The following COL19A1 variants were observed in gnomAD, a reference collection of about 807,000 sequenced individuals.
COL19A1 encodes collagen type XIX alpha 1 chain.
COL19A1 carries 159 observed loss-of-function variants against 190.2 expected under a neutral mutation model. The observed-to-expected ratio is 0.84, with a 90% CI of 0.73 to 0.95. COL19A1 has a LOEUF of 0.95. Among genes scored for constraint, COL19A1 ranks in the 40% least tolerant of loss-of-function variants. The probability of loss-of-function intolerance (pLI) is 0.00; values close to 1 mark genes in which losing one functional copy is unlikely to be tolerated. For synonymous variants in COL19A1, 509 were observed against 458.9 expected, an observed-to-expected ratio of 1.11 and a Z score of -1.39; for missense variants, 1,418 against 1,431.9, an observed-to-expected ratio of 0.99 and a Z score of 0.16.
chr6:70,029,201 G>T (rs1033624672), intron 12 of COL19A1, among the ~76,000 whole-genome samples: 6 of 152,086 alleles, frequency 3.9e-5, no homozygotes, highest in Admixed American at 3.3e-4. Flanking sequence ...CTTGTGAAAA[G>T]AATTAATTGA....
chr6:69,978,662 G>A (rs1015595532), intron 11 of COL19A1, among the ~76,000 whole-genome samples: 1 of 151,374 alleles, frequency 6.6e-6, no homozygotes, highest in Non-Finnish European at 1.5e-5. Flanking sequence ...ATGAAAATAT[G>A]CTTTTATCTT....
intron 16 of COL19A1, among the ~76,000 whole-genome samples, chr6:70,114,730 A>G (rs1018848991): frequency 6.6e-6 from 1 of 151,530 alleles, no homozygotes; most frequent in Non-Finnish European, 1.5e-5. Flanking sequence ...CCTCCTTCCT[A>G]TTTTCCTCTG....
chr6:70,126,196 T>G (rs892887697), intron 17 of COL19A1, among the ~76,000 whole-genome samples: 19 of 152,122 alleles, frequency 1.2e-4, no homozygotes, highest in Non-Finnish European at 2.6e-4. Flanking sequence ...TCTATTTTTC[T>G]TTTCACATAT....
At chr6:70,181,656 A>AGCACAC (rs111242217) in intron 44 of COL19A1, among the ~76,000 whole-genome samples, 4 of 147,820 alleles carry the variant, frequency 2.7e-5, no homozygotes, top group Non-Finnish European at 6.0e-5. Flanking sequence ...AGATAAAAAC[A>AGCACAC]ACACACACAC....
intron 2 of COL19A1, chr6:69,879,985 T>A (rs1768414936): frequency 2.8e-6 from 1 of 351,128 alleles, no homozygotes; most frequent in Admixed American, 4.6e-5. Flanking sequence ...ATTCAAGTTA[T>A]AAGTATGGAA....
At chr6:69,897,765 G>A (rs1769891580) in intron 2 of COL19A1, among the ~76,000 whole-genome samples, 1 of 152,070 alleles carries the variant, frequency 6.6e-6, no homozygotes, top group Admixed American at 6.5e-5. Flanking sequence ...GCCTGCAATT[G>A]TATTAAGAGT....
chr6:70,009,195 G>A (rs1166743431), intron 11 of COL19A1, among the ~76,000 whole-genome samples: 1 of 151,906 alleles, frequency 6.6e-6, no homozygotes, highest in Non-Finnish European at 1.5e-5. Flanking sequence ...ATATAAAATG[G>A]AAGAGAAGAA....
At chr6:69,956,265 A>G (rs1265397096) in intron 9 of COL19A1, among the ~76,000 whole-genome samples, 1 of 152,074 alleles carries the variant, frequency 6.6e-6, no homozygotes, top group Non-Finnish European at 1.5e-5. Context: ...TTAAGATTAA[A>G]GTTTCAAATT....
At chr6:70,017,284 T>G (rs2150098932) in intron 11 of COL19A1, among the ~76,000 whole-genome samples, 1 of 152,116 alleles carries the variant, frequency 6.6e-6, no homozygotes, top group Non-Finnish European at 1.5e-5. Flanking sequence ...AAAGCAAAAC[T>G]ATAGAGACAA....
At chr6:70,035,673 C>T (rs925342828) in intron 13 of COL19A1, among the ~76,000 whole-genome samples, 4 of 152,110 alleles carry the variant, frequency 2.6e-5, no homozygotes, top group Non-Finnish European at 2.9e-5. Flanking sequence ...GCTTTCAAAA[C>T]AAGTCCTGCT....
intron 9 of COL19A1, among the ~76,000 whole-genome samples, chr6:69,940,197 C>G (rs1773385100): frequency 6.6e-6 from 1 of 151,920 alleles, no homozygotes. Context: ...GAGCCTATAC[C>G]TTTTAAGGAT....
chr6:70,002,830 G>A (rs1423452424), intron 11 of COL19A1, among the ~76,000 whole-genome samples: 2 of 142,870 alleles, frequency 1.4e-5, no homozygotes, highest in African/African-American at 5.1e-5. Flanking sequence ...CCTCAAAAAA[G>A]CAGCACCTGG....
chr6:70,119,828 C>A (rs182655909), intron 16 of COL19A1, among the ~76,000 whole-genome samples: 1 of 152,222 alleles, frequency 6.6e-6, no homozygotes, highest in African/African-American at 2.4e-5. Flanking sequence ...CGCTGGCTCA[C>A]GCCTGTAATA....
chr6:70,143,405 T>G (rs1200316969), intron 23 of COL19A1, among the ~76,000 whole-genome samples: 4 of 152,128 alleles, frequency 2.6e-5, no homozygotes, highest in Non-Finnish European at 5.9e-5. Context: ...TCTAGCCTTC[T>G]GACAACTTGG....
At chr6:69,958,184 G>A (rs1245134986) in intron 9 of COL19A1, among the ~76,000 whole-genome samples, 1 of 152,238 alleles carries the variant, frequency 6.6e-6, no homozygotes, top group Non-Finnish European at 1.5e-5. Flanking sequence ...AGCACCTGGT[G>A]CATGAGTGGG....
chr6:69,893,483 A>G (rs1769503860), intron 2 of COL19A1, among the ~76,000 whole-genome samples: 1 of 152,214 alleles, frequency 6.6e-6, no homozygotes, highest in Admixed American at 6.5e-5. Flanking sequence ...TATCTTGCCC[A>G]GATTCCTTTC....
At chr6:70,167,120 G>C (rs988985250) in intron 37 of COL19A1, among the ~76,000 whole-genome samples, 4 of 152,172 alleles carry the variant, frequency 2.6e-5, no homozygotes, top group Non-Finnish European at 5.9e-5. Context: ...AGATAAATGA[G>C]TTAAATAATA....
intron 2 of COL19A1, among the ~76,000 whole-genome samples, chr6:69,891,603 C>G (rs1256158752): frequency 6.6e-6 from 1 of 152,142 alleles, no homozygotes; most frequent in Non-Finnish European, 1.5e-5. Context: ...TCCTTGCATC[C>G]CCAAGTCACA....
At chr6:70,024,254 G>A (rs1289403349) in intron 12 of COL19A1, among the ~76,000 whole-genome samples, 1 of 152,136 alleles carries the variant, frequency 6.6e-6, no homozygotes, top group Non-Finnish European at 1.5e-5. Context: ...GATAAAATTT[G>A]AAGGATGGCC....
Sources: gnomAD v4.1 joint callset for allele counts (sites outside exome capture counted in the v4.1 genomes callset) on GRCh38, gnomAD v4.1.1 for gene constraint, MANE v1.5 for transcripts, NCBI Gene and HGNC (gene_info 2026-07-23, HGNC 2026-07-21) for gene names.